FAM107B: variants seen among roughly 807,000 people sequenced by gnomAD.
The protein encoded by FAM107B is family with sequence similarity 107 member B.
In FAM107B, 21 loss-of-function variants were observed where a neutral mutation model predicts 31.5. The observed-to-expected ratio is 0.67, with a 90% CI of 0.47 to 0.96. The LOEUF is 0.96. Ranked by LOEUF, FAM107B falls within the 40% of genes least tolerant of loss-of-function variation. FAM107B has a pLI of 0.00. For synonymous variants in FAM107B, 157 were observed against 141.5 expected (o/e 1.11, Z -0.78); for missense variants, 452 against 377.1 (o/e 1.20, Z -1.64).
At chr10:14,585,362 T>C (rs904522520) in intron 2 of FAM107B, among the ~76,000 whole-genome samples, 1 of 152,086 alleles carries the variant, frequency 6.6e-6, no homozygotes, top group Non-Finnish European at 1.5e-5. Flanking sequence ...AATCAGACTT[T>C]CCCAGCCCCT....
intron 2 of FAM107B, among the ~76,000 whole-genome samples, chr10:14,622,360 T>C (rs1266288781): frequency 6.9e-6 from 1 of 145,326 alleles, no homozygotes; most frequent in Non-Finnish European, 1.5e-5. Flanking sequence ...CAGGCTGGGG[T>C]GCAGTGGTGT....
intron 2 of FAM107B, among the ~76,000 whole-genome samples, chr10:14,654,977 G>A (rs1854005814): frequency 6.6e-6 from 1 of 152,170 alleles, no homozygotes; most frequent in Admixed American, 6.5e-5. Context: ...AGAAATACCT[G>A]AGGCTGGGTA....
intron 2 of FAM107B, among the ~76,000 whole-genome samples, chr10:14,557,406 G>A (rs1340753345): frequency 2.0e-5 from 3 of 152,182 alleles, no homozygotes; most frequent in Non-Finnish European, 4.4e-5. Context: ...ATTTTTATTT[G>A]TACTAAACTG....
chr10:14,635,934 A>G (rs1248314778), intron 2 of FAM107B, among the ~76,000 whole-genome samples: 1 of 152,032 alleles, frequency 6.6e-6, no homozygotes, highest in Non-Finnish European at 1.5e-5. Context: ...GCCTGGCCAG[A>G]ATGTGTTTTC....
At chr10:14,631,883 G>C (rs993949350) in intron 2 of FAM107B, among the ~76,000 whole-genome samples, 1 of 152,118 alleles carries the variant, frequency 6.6e-6, no homozygotes, top group South Asian at 2.1e-4. Context: ...GGTGACAGCC[G>C]AGCATTAAGC....
chr10:14,569,402 T>G (rs905779182), intron 2 of FAM107B, among the ~76,000 whole-genome samples: 2 of 150,612 alleles, frequency 1.3e-5, no homozygotes, highest in African/African-American at 4.9e-5. Flanking sequence ...TGTGCACATA[T>G]GTGTGTGTGT....
chr10:14,611,623 G>A (rs1301731789), intron 2 of FAM107B, among the ~76,000 whole-genome samples: 1 of 151,068 alleles, frequency 6.6e-6, no homozygotes, highest in Admixed American at 6.6e-5. Flanking sequence ...GGTGACCTCG[G>A]ATAAGAAACT....
At position 14,774,527 on chromosome 10, in the gene FAM107B, G is replaced by A; in HGVS notation, c.137C>T (p.Ala46Val). Residue 46 changes from alanine to valine, a missense_variant, in exon 1 of 5, where the codon GCT (alanine) becomes GTT (valine). Coordinates refer to ENST00000181796, the MANE Select transcript of FAM107B (RefSeq NM_031453.4). ...ESASFNQSGV[A>V]DTHSTVRVQP... is the part of the protein sequence containing the mutation. Reference sequence around the variant, plus strand: ...CACACGGACGGTGGAATGAGTATCAGCCACGCCGGACTGATTGAAGGAAGC... The same window carrying A: ...CACACGGACGGTGGAATGAGTATCAACCACGCCGGACTGATTGAAGGAAGC... 6.2e-7 allele frequency: 1 copy of A among 1,614,200 alleles called. No homozygotes were observed. The highest frequency in any genetic ancestry group is 8.5e-7 in the Non-Finnish European group (1 of 1,180,038).
At chr10:14,631,445 C>T (rs1455904145) in intron 2 of FAM107B, among the ~76,000 whole-genome samples, 1 of 152,190 alleles carries the variant, frequency 6.6e-6, no homozygotes, top group African/African-American at 2.4e-5. Context: ...TTCTACAGCA[C>T]AACTTTTAGA....
chr10:14,731,300 G>A (rs1174947370), intron 1 of FAM107B, among the ~76,000 whole-genome samples: 1 of 152,154 alleles, frequency 6.6e-6, no homozygotes, highest in Non-Finnish European at 1.5e-5. Context: ...GGTGGCTCAC[G>A]CCTGTAATCC....
intron 1 of FAM107B, among the ~76,000 whole-genome samples, chr10:14,773,255 G>A (rs1420671917): frequency 6.6e-6 from 1 of 152,204 alleles, no homozygotes; most frequent in African/African-American, 2.4e-5. Flanking sequence ...TTTAAATGAT[G>A]TTTTAACCCT....
chr10:14,540,787 A>C (rs1434434889), intron 2 of FAM107B, among the ~76,000 whole-genome samples: 1 of 152,208 alleles, frequency 6.6e-6, no homozygotes, highest in Non-Finnish European at 1.5e-5. Context: ...CCTCAGAATC[A>C]ACAGGTGTCA....
chr10:14,698,876 C>T (rs1022149829), intron 1 of FAM107B, among the ~76,000 whole-genome samples: 3 of 152,118 alleles, frequency 2.0e-5, no homozygotes, highest in Non-Finnish European at 2.9e-5. Flanking sequence ...GCAAAACCCA[C>T]GATTACTTTT....
At position 14,540,029 on chromosome 10, in the gene FAM107B, A is replaced by G. The variant is rs117995239; in HGVS notation, c.470-9514T>C. Among the ~76,000 whole-genome samples the G allele has an allele frequency of 8.1e-4, 123 of 152,342 alleles. No homozygotes were observed. In the Middle Eastern group the frequency reaches 0.01, roughly 13 times the overall value. ...CTGCCATGTTCACCATGTGGACGTG[A>G]CACACAGGCAGAGCCTGCTCCACTC... On this transcript the variant is annotated intron_variant, in intron 2 of 4. Transcript: ENST00000181796.
chr10:14,547,577 T>C (rs1009002410), intron 2 of FAM107B, among the ~76,000 whole-genome samples: 3 of 152,162 alleles, frequency 2.0e-5, no homozygotes, highest in East Asian at 3.8e-4. Context: ...ATCTACACTC[T>C]GAAATGCTCC....
chr10:14,614,349 G>T (rs1444510250), intron 2 of FAM107B, among the ~76,000 whole-genome samples: 1 of 151,998 alleles, frequency 6.6e-6, no homozygotes, highest in Non-Finnish European at 1.5e-5. Context: ...GGCATTTAGT[G>T]GTCGGGGAGC....
At chr10:14,764,878 G>A (rs1441798463) in intron 1 of FAM107B, among the ~76,000 whole-genome samples, 1 of 152,176 alleles carries the variant, frequency 6.6e-6, no homozygotes, top group Admixed American at 6.6e-5. Context: ...ACACACGTAG[G>A]TATTTTAGAA....
intron 2 of FAM107B, among the ~76,000 whole-genome samples, chr10:14,569,177 C>T (rs1039319608): frequency 6.6e-6 from 1 of 152,168 alleles, no homozygotes. Context: ...CCTCGAGTCT[C>T]CTTAAATTCC....
chr10:14,565,956 C>T (rs772396614), intron 2 of FAM107B, among the ~76,000 whole-genome samples: 2 of 152,188 alleles, frequency 1.3e-5, no homozygotes, highest in Non-Finnish European at 2.9e-5. Flanking sequence ...CTGTGGAACT[C>T]GCAGCAGGGC....
Sources: allele counts gnomAD v4.1 joint callset (sites outside exome capture counted in the v4.1 genomes callset), GRCh38; gene constraint gnomAD v4.1.1; transcripts MANE v1.5; gene names NCBI Gene and HGNC (gene_info 2026-07-23, HGNC 2026-07-21).